Variants in NR4A3 observed in about 807,000 individuals in gnomAD.
NR4A3 encodes nuclear receptor subfamily 4 group A member 3.
A neutral mutation model predicts 55.6 loss-of-function variants in NR4A3; 13 were observed. The ratio of observed to expected loss-of-function variants is 0.23; its 90% CI spans 0.15 to 0.37. The LOEUF is 0.37. Ranked by LOEUF, NR4A3 falls within the 10% of genes least tolerant of loss-of-function variation. The pLI, the probability that NR4A3 is intolerant of heterozygous loss-of-function variation, is 1.00. For missense variants in NR4A3, 646 were observed against 822.8 expected, an observed-to-expected ratio of 0.79 and a Z score of 2.63; for synonymous variants, 342 against 357.9, an observed-to-expected ratio of 0.96 and a Z score of 0.50.
At chr9:99,844,619 T>C (rs1028325483) in intron 5 of NR4A3, 30 bp from the exon 6 acceptor site, 1 of 1,597,018 alleles carries the variant, frequency 6.3e-7, no homozygotes, top group Non-Finnish European at 8.6e-7. Context: ...TGAAGCAGGA[T>C]AATGCTGCTC....
rs1388391877 is a variant in NR4A3, at chr9:99,828,514, G to C, written c.472G>C (p.Glu158Gln). The change falls in exon 3 of 8, where the codon GAG (glutamate) becomes CAG (glutamine). Residue 158 changes from glutamate (E) to glutamine (Q), a missense_variant. By Grantham distance (29) the Glu-to-Gln change is conservative (BLOSUM62 2). Coordinates refer to ENST00000395097, the MANE Select transcript of NR4A3 (RefSeq NM_006981.4). The surrounding 1 kb of genome is among the most constrained non-coding windows in gnomAD (Gnocchi z 7.7). The stretch of plus-strand genomic sequence containing the variant: ...CCCGCAGGCGGGGGCGTTATGGGAC[G>C]AGGCACTGCCCTCGGCGCCCGGCTG... ...FPPQAGALWD[E>Q]ALPSAPGCIA... 3 of 1,581,952 alleles carry C rather than the reference G, an allele frequency of 1.9e-6. No homozygotes were observed. Among genetic ancestry groups the C allele is most frequent in the Non-Finnish European group, 1.7e-6 (2 of 1,166,700 alleles).
chr9:99,827,790 G>A (rs1223318161), intron 2 of NR4A3, among the ~76,000 whole-genome samples: 1 of 152,192 alleles, frequency 6.6e-6, no homozygotes, highest in Non-Finnish European at 1.5e-5. Context: ...GGAGGACAGG[G>A]CAAGGGAGGA....
intron 7 of NR4A3, among the ~76,000 whole-genome samples, chr9:99,863,047 T>G (rs182576221): frequency 2.1e-4 from 32 of 152,276 alleles, no homozygotes; most frequent in Admixed American, 5.2e-4. Context: ...AACACAGGAA[T>G]GCACTTTGCT....
intron 2 of NR4A3, chr9:99,826,786 A>G (rs1435040866): frequency 6.2e-7 from 1 of 1,613,886 alleles, no homozygotes; most frequent in African/African-American, 1.3e-5. Context: ...TGACTCAATC[A>G]GATTTGGAAA....
rs902329147 is a variant in NR4A3, at chr9:99,849,281, C to CAG, written c.1633+1668_1633+1669dup. 2.0e-5 allele frequency among the ~76,000 whole-genome samples: 3 copies of CAG among 152,076 alleles called. No homozygotes were observed. The East Asian group carries it at 5.8e-4, about 29-fold the overall frequency. On this transcript the variant is annotated intron_variant, in intron 7 of 7. Transcript: ENST00000395097. ...AACTGGTATGGCTGCAATGAGGATTCAGACAGTAGCTGTTCCTTCAGTATT... is the reference window on the plus strand; with the variant it reads ...AACTGGTATGGCTGCAATGAGGATTCAGAGACAGTAGCTGTTCCTTCAGTATT...
intron 5 of NR4A3, among the ~76,000 whole-genome samples, chr9:99,839,736 A>G (rs888943210): frequency 6.6e-6 from 1 of 152,222 alleles, no homozygotes; most frequent in Non-Finnish European, 1.5e-5. Context: ...AATAACCCCT[A>G]TAGGGTGGAA....
In NR4A3 at chr9:99,866,462, A is replaced by G. The variant is rs969937181; in HGVS notation, c.*2595A>G. The stretch of plus-strand genomic sequence containing the variant: ...GAAGCTTTTTTAGTAATAGGTCCAG[A>G]TATGAGTGCTAAAAATAAAGATGAT... On this transcript the variant is annotated 3_prime_UTR_variant, in exon 8 of 8. Coordinates refer to ENST00000395097, the MANE Select transcript of NR4A3 (RefSeq NM_006981.4). 8.8e-6 allele frequency: 2 copies of G among 226,962 alleles called. No homozygotes were observed. The highest frequency in any genetic ancestry group is 1.8e-5 in the Non-Finnish European group (2 of 113,894). The allele number at this position is 226,962 out of a possible 1,614,324, so 14.1% of individuals were successfully genotyped here.
intron 7 of NR4A3, among the ~76,000 whole-genome samples, chr9:99,862,568 AAAAAAAAAAAAAAAAGAG>A (rs1049135695): frequency 4.0e-5 from 4 of 99,498 alleles, no homozygotes; most frequent in African/African-American, 1.4e-4. Flanking sequence ...AAAAAAAAAA[AAAAAAAAAAAAAAAAGAG>A]AGAGAAATGA....
chr9:99,838,532 G>A (rs905855057), intron 5 of NR4A3, among the ~76,000 whole-genome samples: 1 of 152,138 alleles, frequency 6.6e-6, no homozygotes, highest in African/African-American at 2.4e-5. Flanking sequence ...CCCCTCTGTG[G>A]GCCAGTTTCC....
chr9:99,846,245 G>A (rs563958177), intron 6 of NR4A3, among the ~76,000 whole-genome samples: 1 of 152,326 alleles, frequency 6.6e-6, no homozygotes, highest in African/African-American at 2.4e-5. Context: ...ATATAATTCA[G>A]CCCCTTACTT....
rs1828048488 is a variant in NR4A3 at position 99,863,813 on chromosome 9, G to A, written c.1827G>A (p.Leu609=). 6.2e-7 allele frequency: 1 copy of A among 1,613,832 alleles called. No individual in the cohort carries two copies. Among genetic ancestry groups the A allele is most frequent in the East Asian group, 2.2e-5 (1 of 44,836 alleles). The change falls in exon 8 of 8, where the codon TTG becomes TTA. Residue 609 remains leucine (L), a synonymous_variant. Coordinates refer to ENST00000395097, the MANE Select transcript of NR4A3 (RefSeq NM_006981.4). ...TCTTCTACCTGAAGCTGGAAGACTTGGTGTCTCCACCTTCCATCATTGACA... is the reference window on the plus strand; with the variant it reads ...TCTTCTACCTGAAGCTGGAAGACTTAGTGTCTCCACCTTCCATCATTGACA... ...QRIFYLKLED[L]VSPPSIIDKL...
rs958103276 is a variant in NR4A3 at position 99,866,810 on chromosome 9, G to A, written c.*2943G>A. The A allele has an allele frequency of 4.7e-6, 1 of 211,094 alleles. No individual in the cohort carries two copies. Among genetic ancestry groups the A allele is most frequent in the Non-Finnish European group, 9.6e-6 (1 of 103,638 alleles). The allele number at this position is 211,094 out of a possible 1,614,324, so 13.1% of individuals were successfully genotyped here. ...CTCTAACAGCATTGCTCTTTAGTGT[G>A]TGTTAACCTGTGGTTTGAAAGAAAT... On this transcript the variant is annotated 3_prime_UTR_variant, in exon 8 of 8. Transcript: ENST00000395097.
chr9:99,837,935 A>C (rs2118558414), intron 5 of NR4A3, among the ~76,000 whole-genome samples: 1 of 152,338 alleles, frequency 6.6e-6, no homozygotes, highest in South Asian at 2.1e-4. Flanking sequence ...TCCAAGTCAC[A>C]GAGGAAATGA....
In NR4A3 at chr9:99,833,768, C is replaced by T. The variant is rs115507078; in HGVS notation, c.1254+314C>T. ...CAAACTACAATTTGTAGATTTATCT[C>T]GTGATCTAGACAAAGTGACTACTGT... On this transcript the variant is annotated intron_variant, in intron 5 of 7. Coordinates refer to ENST00000395097, the MANE Select transcript of NR4A3 (RefSeq NM_006981.4). The T allele has an allele frequency of 2.5e-3, 3,470 of 1,379,550 alleles. 65 individuals carry two copies. In the African/African-American group the frequency reaches 0.044, roughly 18 times the overall value. 85.5% of individuals were successfully genotyped at this position (1,379,550 alleles called of 1,614,324 possible). A position where few individuals can be genotyped will look rare whatever the true frequency, so the allele number is the denominator to read the frequency against.
Position 99,822,768 on chromosome 9 carries a change from A to G in NR4A3, c.-177+361A>G, listed in dbSNP as rs556200302. Among the ~76,000 whole-genome samples, 172 of 152,172 alleles carry G rather than the reference A, an allele frequency of 1.1e-3. No individual in the cohort carries two copies. The highest frequency in any genetic ancestry group is 3.6e-3 in the African/African-American group (149 of 41,498). On this transcript the variant is annotated intron_variant, in intron 1 of 7. Coordinates refer to ENST00000395097, the MANE Select transcript of NR4A3 (RefSeq NM_006981.4). This position sits in a 1 kb window ranked among gnomAD's most constrained non-coding sequence, Gnocchi z 4.9. The stretch of plus-strand genomic sequence containing the variant: ...TCTCGGCGGCGGCGGCGGCGGCGGC[A>G]GCGGCAGCGGCAGGGAGTTGCAGCT...
chr9:99,862,549 C>CAAAAAAAAAAAAAAAAAAAAAAAAAA lies in NR4A3; in HGVS notation c.1634-1062_1634-1037dup, dbSNP rs59274273. Among the ~76,000 whole-genome samples, 45 of 72,810 alleles carry CAAAAAAAAAAAAAAAAAAAAAAAAAA rather than the reference C, an allele frequency of 6.2e-4. 2 individuals are homozygous for CAAAAAAAAAAAAAAAAAAAAAAAAAA. Among genetic ancestry groups the CAAAAAAAAAAAAAAAAAAAAAAAAAA allele is most frequent in the Non-Finnish European group, 7.9e-4 (34 of 43,092 alleles). The allele number at this position is 72,810 out of a possible 152,430, so 47.8% of individuals were successfully genotyped here. The stretch of plus-strand genomic sequence containing the variant: ...TAGGCAACAGAGTAAGACTCTGTCT[C>CAAAAAAAAAAAAAAAAAAAAAAAAAA]AAAAAAAAAAAAAAAAAAAAAAAAA... On this transcript the variant is annotated intron_variant, in intron 7 of 7. Coordinates refer to ENST00000395097, the MANE Select transcript of NR4A3 (RefSeq NM_006981.4).
At chr9:99,827,764 G>A (rs1341378461) in intron 2 of NR4A3, among the ~76,000 whole-genome samples, 2 of 152,162 alleles carry the variant, frequency 1.3e-5, no homozygotes, top group East Asian at 3.9e-4. Flanking sequence ...AAGACTTCAA[G>A]TTTCCCAAAT....
intron 7 of NR4A3, among the ~76,000 whole-genome samples, chr9:99,862,041 C>T (rs924611046): frequency 6.6e-6 from 1 of 151,780 alleles, no homozygotes; most frequent in African/African-American, 2.4e-5. Context: ...CTACAGTGAA[C>T]CATGACTGCA....
chr9:99,828,940 G>C lies in NR4A3; in HGVS notation c.898G>C (p.Ala300Pro). 7.0e-7 allele frequency: 1 copy of C among 1,435,756 alleles called. No homozygotes were observed. The highest frequency in any genetic ancestry group is 1.4e-5 in the South Asian group (1 of 70,094). The allele number at this position is 1,435,756 out of a possible 1,614,324, so 88.9% of individuals were successfully genotyped here. A position where few individuals can be genotyped will look rare whatever the true frequency, so the allele number is the denominator to read the frequency against. Residue 300 changes from alanine to proline, a missense_variant, in exon 3 of 8, where the codon GCC becomes CCC. Physicochemically the swap from Ala to Pro is conservative, Grantham distance 27. This residue lies in a region of NR4A3 where 44 missense variants were observed against 119.3 expected (regional missense o/e 0.37). Transcript: ENST00000395097. The surrounding 1 kb of genome is among the most constrained non-coding windows in gnomAD (Gnocchi z 7.7). ...GTCAVCGDNA[A>P]CQHYGVRTCE... ...GTGTGCCGTGTGCGGGGACAACGCC[G>C]CCTGCCAGCACTACGGCGTGCGAAC...
Sources: allele counts gnomAD v4.1 joint callset (sites outside exome capture counted in the v4.1 genomes callset), GRCh38; gene constraint gnomAD v4.1.1; regional missense constraint gnomAD v4.1.1; non-coding constraint Gnocchi (gnomAD v3.1); transcripts MANE v1.5; gene names NCBI Gene and HGNC (gene_info 2026-07-23, HGNC 2026-07-21).